CFAP43: variants seen among roughly 807,000 people sequenced by gnomAD.
The protein encoded by CFAP43 is cilia- and flagella-associated protein 43.
A neutral mutation model predicts 218.9 loss-of-function variants in CFAP43; 155 were observed. The ratio of observed to expected loss-of-function variants is 0.71; its 90% CI spans 0.62 to 0.81. CFAP43 has a LOEUF of 0.81. Ranked by LOEUF, CFAP43 falls within the 30% of genes least tolerant of loss-of-function variation. CFAP43 has a pLI of 0.00. For missense variants in CFAP43, 1,778 were observed against 1,954.3 expected (o/e 0.91, Z 1.70); for synonymous variants, 645 against 681.3 (o/e 0.95, Z 0.83).
intron 12 of CFAP43, among the ~76,000 whole-genome samples, chr10:104,191,794 G>A (rs1018585692): frequency 6.7e-6 from 1 of 148,570 alleles, no homozygotes; most frequent in African/African-American, 2.4e-5. Context: ...GTGTGTGGGG[G>A]GGGGGAAACA....
At chr10:104,147,417 A>G (rs889754703) in intron 29 of CFAP43, among the ~76,000 whole-genome samples, 5 of 152,042 alleles carry the variant, frequency 3.3e-5, no homozygotes, top group African/African-American at 1.2e-4. Context: ...AATGAACCAT[A>G]TCTATCCAAG....
chr10:104,200,966 C>G (rs944306793), intron 8 of CFAP43, among the ~76,000 whole-genome samples: 9 of 152,178 alleles, frequency 5.9e-5, no homozygotes, highest in Admixed American at 3.3e-4. Context: ...CAGGAAATCA[C>G]TGGAGGGCTT....
chr10:104,227,261 C>A (rs2091327681), intron 2 of CFAP43, among the ~76,000 whole-genome samples: 1 of 152,096 alleles, frequency 6.6e-6, no homozygotes, highest in Non-Finnish European at 1.5e-5. Context: ...TTTTTAAGCT[C>A]ATTTGCATGT....
rs1383582435 is a variant in CFAP43, at chr10:104,187,797, G to A, written c.1688-305C>T. Among the ~76,000 whole-genome samples the A allele has an allele frequency of 2.0e-5, 3 of 152,154 alleles. No individual in the cohort carries two copies. In the East Asian group the frequency reaches 5.8e-4, roughly 29 times the overall value. On this transcript the variant is annotated intron_variant, in intron 13 of 37. Transcript: ENST00000357060. ...TTCTTATAAAAACATAAAAGTACTT[G>A]GAGGTTGTCGGCTCTCTTCTGCTCT...
At chr10:104,182,546 TA>T in intron 16 of CFAP43, 33 bp from the exon 17 acceptor site, 1 of 1,535,950 alleles carries the variant, frequency 6.5e-7, no homozygotes, top group South Asian at 1.3e-5. Flanking sequence ...ACAGAGGCTA[TA>T]AAAATCATAA....
At chr10:104,166,790 C>T in intron 22 of CFAP43, 72 bp from the exon 23 acceptor site, 1 of 1,300,678 alleles carries the variant, frequency 7.7e-7, no homozygotes, top group African/African-American at 1.5e-5. Context: ...TTTGTGACAA[C>T]TTAATTATTT....
rs1490650382 is a variant in CFAP43, at chr10:104,132,262, T to C, written c.4597-66A>G. 3.4e-6 allele frequency: 4 copies of C among 1,160,908 alleles called. No individual in the cohort carries two copies. The African/African-American group carries it at 4.7e-5, about 14-fold the overall frequency. 71.9% of individuals were successfully genotyped at this position (1,160,908 alleles called of 1,614,324 possible). On this transcript the variant is annotated intron_variant, in intron 35 of 37. Transcript: ENST00000357060. ...CTTTCAATAGATGACTTTATAAAGGTTGTTTTAGCTTTGAAAGTTACTGTT... is the reference window on the plus strand; with the variant it reads ...CTTTCAATAGATGACTTTATAAAGGCTGTTTTAGCTTTGAAAGTTACTGTT...
intron 12 of CFAP43, among the ~76,000 whole-genome samples, chr10:104,189,459 C>T (rs2090136450): frequency 6.6e-6 from 1 of 152,210 alleles, no homozygotes; most frequent in Non-Finnish European, 1.5e-5. Flanking sequence ...GGATCACCTG[C>T]TGACTGGCAA....
chr10:104,175,872 A>C (rs545111999), intron 19 of CFAP43, among the ~76,000 whole-genome samples: 1 of 152,352 alleles, frequency 6.6e-6, no homozygotes, highest in Non-Finnish European at 1.5e-5. Flanking sequence ...AATTTAAAAA[A>C]TATTCTTCAG....
At chr10:104,176,113 A>G (rs1402316220) in intron 19 of CFAP43, among the ~76,000 whole-genome samples, 6 of 152,240 alleles carry the variant, frequency 3.9e-5, no homozygotes, top group Admixed American at 3.9e-4. Context: ...TACAAGAACT[A>G]TTATAAAGTG....
intron 25 of CFAP43, 105 bp from the exon 26 acceptor site, chr10:104,162,146 G>C: frequency 7.6e-7 from 1 of 1,320,894 alleles, no homozygotes; most frequent in Non-Finnish European, 1.1e-6. Context: ...CTGCATTTGG[G>C]ATTGGGGAAG....
intron 28 of CFAP43, among the ~76,000 whole-genome samples, chr10:104,150,707 C>T (rs569871927): frequency 7.9e-5 from 12 of 152,140 alleles, no homozygotes; most frequent in East Asian, 1.9e-4. Context: ...TTGGGAGACC[C>T]GGCATTTCTC....
At chr10:104,142,747 G>A (rs181417261) in intron 32 of CFAP43, among the ~76,000 whole-genome samples, 1 of 152,238 alleles carries the variant, frequency 6.6e-6, no homozygotes, top group East Asian at 1.9e-4. Flanking sequence ...GGAATTTGGG[G>A]TAGTGGTCAA....
Position 104,203,782 on chromosome 10 carries a change from T to G in CFAP43, c.985A>C (p.Ile329Leu), listed in dbSNP as rs1377602887. ...ATCATGTAACTTCTATCTTTAATAA[T>G]AAAAGAATACACAAAGCCATCCTAG... Reference protein sequence around the residue: ...SGIDGFVYSFIIKDRSYMIED... With the variant: ...SGIDGFVYSFLIKDRSYMIED... Residue 329 changes from isoleucine to leucine, a missense_variant, in exon 8 of 38, where the codon ATT (isoleucine) becomes CTT (leucine). Coordinates refer to ENST00000357060, the MANE Select transcript of CFAP43 (RefSeq NM_025145.7). 1 of 1,605,188 alleles carries G rather than the reference T, an allele frequency of 6.2e-7. No individual in the cohort carries two copies. Among genetic ancestry groups the G allele is most frequent in the East Asian group, 2.2e-5 (1 of 44,732 alleles).
intron 28 of CFAP43, among the ~76,000 whole-genome samples, chr10:104,148,292 A>G (rs1295935618): frequency 1.3e-5 from 2 of 152,254 alleles, no homozygotes; most frequent in Non-Finnish European, 2.9e-5. Context: ...TTATCGCAAG[A>G]AACAGAACTT....
intron 9 of CFAP43, among the ~76,000 whole-genome samples, chr10:104,197,235 T>C (rs992048648): frequency 1.3e-5 from 2 of 152,204 alleles, no homozygotes; most frequent in Non-Finnish European, 2.9e-5. Context: ...TATTGCCTAA[T>C]GAACAAATGT....
chr10:104,205,827 C>T (rs2090671572), intron 7 of CFAP43, 136 bp downstream of exon 7: 2 of 733,456 alleles, frequency 2.7e-6, no homozygotes, highest in Admixed American at 6.0e-5. Context: ...TTTAATAGTA[C>T]CCAAAGAGGA....
At chr10:104,182,912 G>A (rs1589724452) in intron 16 of CFAP43, among the ~76,000 whole-genome samples, 1 of 151,870 alleles carries the variant, frequency 6.6e-6, no homozygotes, top group South Asian at 2.1e-4. Context: ...CCCTTTCATG[G>A]GTTCCAGGCC....
At chr10:104,210,520 T>G (rs1467220614) in intron 5 of CFAP43, among the ~76,000 whole-genome samples, 1 of 151,384 alleles carries the variant, frequency 6.6e-6, no homozygotes, top group Non-Finnish European at 1.5e-5. Flanking sequence ...GCATCTGCCA[T>G]CATGCCCAGC....
Sources: gnomAD v4.1 joint callset for allele counts (sites outside exome capture counted in the v4.1 genomes callset) on GRCh38, gnomAD v4.1.1 for gene constraint, MANE v1.5 for transcripts, NCBI Gene and HGNC (gene_info 2026-07-23, HGNC 2026-07-21) for gene names.